MYO1C: variants seen among roughly 807,000 people sequenced by gnomAD.
The protein encoded by MYO1C is myosin IC, also known as unconventional myosin-Ic.
A neutral mutation model predicts 150.8 loss-of-function variants in MYO1C; 104 were observed. The observed-to-expected ratio is 0.69, with a 90% CI of 0.59 to 0.81. MYO1C has a LOEUF of 0.81. Among genes scored for constraint, MYO1C ranks in the 30% least tolerant of loss-of-function variants. MYO1C has a pLI of 0.00. For missense variants in MYO1C, 1,504 were observed against 1,435.0 expected, an observed-to-expected ratio of 1.05 and a Z score of -0.78; for synonymous variants, 663 against 579.9, an observed-to-expected ratio of 1.14 and a Z score of -2.06.
At position 1,483,612 on chromosome 17, in the gene MYO1C, G is replaced by A. The variant is rs759860251; in HGVS notation, c.345C>T (p.His115=). 5 of 1,607,276 alleles carry A rather than the reference G, an allele frequency of 3.1e-6. No individual in the cohort carries two copies. In the Admixed American group the frequency reaches 8.5e-5, roughly 27 times the overall value. The change falls in exon 3 of 32, where the codon CAC becomes CAT. Residue 115 remains histidine (H), a splice_region_variant and synonymous_variant. Coordinates refer to ENST00000648651, the MANE Select transcript of MYO1C (RefSeq NM_001080779.2). ...RGVSFYEVPP[H]LFAVADTVYR... Reference sequence around the variant, plus strand: ...CCGGAGGGGCTGGGGTCACTCACAGGTGAGGGGGCACTTCATAGAAGCTGA... The same window carrying A: ...CCGGAGGGGCTGGGGTCACTCACAGATGAGGGGGCACTTCATAGAAGCTGA...
Position 1,478,533 on chromosome 17 carries a change from G to T in MYO1C, c.1213-41C>A, listed in dbSNP as rs765368791. On this transcript the variant is annotated intron_variant, in intron 10 of 31. Transcript: ENST00000648651. The surrounding 1 kb of genome is among the most constrained non-coding windows in gnomAD (Gnocchi z 6.3). ...AACCGAAGGCGTGGGCCCCCTGCGC[G>T]TGCCAGCCCCACCCTGCAGCACCCC... 1.9e-6 allele frequency: 3 copies of T among 1,613,694 alleles called. No individual in the cohort carries two copies. In the East Asian group the frequency reaches 6.7e-5, roughly 36 times the overall value.
chr17:1,480,551 A>G lies in MYO1C; in HGVS notation c.882T>C (p.Ile294=), dbSNP rs2150956157. 1 of 1,614,180 alleles carries G rather than the reference A, an allele frequency of 6.2e-7. No individual in the cohort carries two copies. Among genetic ancestry groups the G allele is most frequent in the Middle Eastern group, 1.6e-4 (1 of 6,062 alleles). ...WKVVRKALTV[I]DFTEDEVEDL... is the part of the protein sequence containing the mutation. ...CCTCCACTTCATCCTCGGTGAAATC[A>G]ATGACTGTCAGAGCCTTCCTGACGA... is the stretch of plus-strand genomic sequence containing the variant. The change falls in exon 7 of 32, where the codon ATT becomes ATC. Residue 294 remains isoleucine (I), a synonymous_variant. Transcript: ENST00000648651.
In MYO1C at chr17:1,472,021, C is replaced by T. The variant is rs547698769; in HGVS notation, c.1907G>A (p.Arg636His). ...IKPNDAKQPG[R>H]FDEVLIRHQV... ...GTGGCGGATCAGCACCTCGTCAAAG[C>T]GGCCTGGGGTAGGGGGAGCGCCGTG... is the stretch of plus-strand genomic sequence containing the variant. The change falls in exon 19 of 32, where the codon CGC (arginine) becomes CAC (histidine). Residue 636 changes from arginine (R) to histidine (H), a missense_variant. Coordinates refer to ENST00000648651, the MANE Select transcript of MYO1C (RefSeq NM_001080779.2). The T allele has an allele frequency of 8.1e-5, 130 of 1,613,896 alleles. No homozygotes were observed. Among genetic ancestry groups the T allele is most frequent in the Non-Finnish European group, 1.1e-4 (128 of 1,179,978 alleles).
chr17:1,484,343 G>A (rs771119751), intron 1 of MYO1C, 40 bp from the exon 2 acceptor site: 19 of 1,602,036 alleles, frequency 1.2e-5, no homozygotes, highest in Non-Finnish European at 1.4e-5. Context: ...AGAGTCATCG[G>A]GGGCGGGGCA....
chr17:1,474,698 G>T lies in MYO1C; in HGVS notation c.1717-8C>A. On this transcript the variant is annotated splice_polypyrimidine_tract_variant and splice_region_variant and intron_variant, in intron 16 of 31. Transcript: ENST00000648651. ...CTTTGAGCTACACATGGTCTGTGTG[G>T]GCAGAGCCGGGGTCAGGGTGGGGCA... 6.2e-7 allele frequency: 1 copy of T among 1,613,970 alleles called. No individual in the cohort carries two copies. The highest frequency in any genetic ancestry group is 8.5e-7 in the Non-Finnish European group (1 of 1,179,902).
intron 31 of MYO1C, among the ~76,000 whole-genome samples, chr17:1,466,309 C>T (rs148502896): frequency 1.3e-5 from 2 of 152,068 alleles, no homozygotes; most frequent in Non-Finnish European, 1.5e-5. Flanking sequence ...TACAGGCATA[C>T]GCCACCACAC....
Position 1,471,251 on chromosome 17 carries a change from A to G in MYO1C, c.2107T>C (p.Tyr703His). ...CCCATCTTGTACTCTTCTGGCTTGT[A>G]GCCCAGGTGTCGGACCAGCACAGCC... ...GVAVLVRHLG[Y>H]KPEEYKMGRT... is the part of the protein sequence containing the mutation. The change falls in exon 20 of 32, where the codon TAC becomes CAC. Residue 703 changes from tyrosine to histidine, a missense_variant. Physicochemically the swap from Tyr to His is moderately conservative, Grantham distance 83. Coordinates refer to ENST00000648651, the MANE Select transcript of MYO1C (RefSeq NM_001080779.2). 1 of 1,613,964 alleles carries G rather than the reference A, an allele frequency of 6.2e-7. No homozygotes were observed. The highest frequency in any genetic ancestry group is 2.2e-5 in the East Asian group (1 of 44,872).
At position 1,478,353 on chromosome 17, in the gene MYO1C, AAG is replaced by A; in HGVS notation, c.1295+55_1295+56del. 1.2e-6 allele frequency: 2 copies of A among 1,604,590 alleles called. No individual in the cohort carries two copies. Among genetic ancestry groups the A allele is most frequent in the Non-Finnish European group, 8.5e-7 (1 of 1,171,362 alleles). ...GCAGGAATGAGAGGCTGGAGGACAG[AAG>A]AGAGGGAGCAGGACAGGAGACCGGG... is the stretch of plus-strand genomic sequence containing the variant. On this transcript the variant is annotated intron_variant, in intron 11 of 31. Coordinates refer to ENST00000648651, the MANE Select transcript of MYO1C (RefSeq NM_001080779.2). The surrounding 1 kb of genome is among the most constrained non-coding windows in gnomAD (Gnocchi z 6.3).
Position 1,469,570 on chromosome 17 carries a change from C to T in MYO1C, c.2571G>A (p.Trp857Ter). ...LRELCIKNMV[W>*]KYCRSISPEW... ...CAGGGCTGATACTCCGGCAGTATTTCCACACCATGTTCTTTATGCACAACT... is the reference window on the plus strand; with the variant it reads ...CAGGGCTGATACTCCGGCAGTATTTTCACACCATGTTCTTTATGCACAACT... The change falls in exon 25 of 32, where the codon TGG (tryptophan) becomes TGA (stop). Residue 857 changes from tryptophan to a stop codon, truncating the protein, a stop_gained. Transcript: ENST00000648651. LOFTEE classifies it high-confidence loss of function. 1 of 1,613,374 alleles carries T rather than the reference C, an allele frequency of 6.2e-7. No individual in the cohort carries two copies.
At position 1,479,372 on chromosome 17, in the gene MYO1C, G is replaced by A. The variant is rs956222630; in HGVS notation, c.1092+59C>T. ...AACCAGGCGAAGGGGAGTGATGGGAGTAGGGGCTGCCTTGGAACAGCTGCC... is the reference window on the plus strand; with the variant it reads ...AACCAGGCGAAGGGGAGTGATGGGAATAGGGGCTGCCTTGGAACAGCTGCC... On this transcript the variant is annotated intron_variant, in intron 9 of 31. Transcript: ENST00000648651. This position sits in a 1 kb window ranked among gnomAD's most constrained non-coding sequence, Gnocchi z 4.2. 8.4e-6 allele frequency: 7 copies of A among 829,178 alleles called. No homozygotes were observed. The highest frequency in any genetic ancestry group is 8.0e-5 in the Admixed American group (4 of 50,188). 51.4% of individuals were successfully genotyped at this position (829,178 alleles called of 1,614,324 possible).
At chr17:1,472,305 C>G (rs2074321523) in intron 17 of MYO1C, 77 bp from the exon 18 acceptor site, 3 of 1,310,546 alleles carry the variant, frequency 2.3e-6, no homozygotes, top group Non-Finnish European at 3.3e-6. Context: ...TACCCCACTC[C>G]CCTGGCTGGT....
intron 2 of MYO1C, 143 bp from the exon 3 acceptor site, chr17:1,483,868 A>C: frequency 1.5e-5 from 11 of 730,948 alleles, no homozygotes; most frequent in Non-Finnish European, 2.3e-5. Flanking sequence ...ACATGGAGAA[A>C]TCCGTCTCTA....
rs746370240 is a variant in MYO1C, at chr17:1,483,741, G to T, written c.232-16C>A. 17 of 1,588,254 alleles carry T rather than the reference G, an allele frequency of 1.1e-5. No homozygotes were observed. Among genetic ancestry groups the T allele is most frequent in the Non-Finnish European group, 1.5e-5 (17 of 1,163,674 alleles). On this transcript the variant is annotated splice_polypyrimidine_tract_variant and intron_variant, in intron 2 of 31. Coordinates refer to ENST00000648651, the MANE Select transcript of MYO1C (RefSeq NM_001080779.2). ...CAATGTAGGTCTGGGATCGGGGGAA[G>T]AGGGTCCAAAGTTTATCCCGGGCCA...
Position 1,478,188 on chromosome 17 carries a change from C to G in MYO1C, c.1300G>C (p.Glu434Gln). Residue 434 changes from glutamate (E) to glutamine (Q), a missense_variant, in exon 12 of 32, where the codon GAG becomes CAG. Glu to Gln is a conservative substitution (Grantham distance 29, BLOSUM62 2). Coordinates refer to ENST00000648651, the MANE Select transcript of MYO1C (RefSeq NM_001080779.2). This position sits in a 1 kb window ranked among gnomAD's most constrained non-coding sequence, Gnocchi z 6.3. ...GFEVFQHNSF[E>Q]QFCINYCNEK... ...TTGCAGTAATTGATGCAGAACTGCT[C>G]AAAGCTGTAAGGAAGGAGAAGAGCC... is the stretch of plus-strand genomic sequence containing the variant. 6.2e-7 allele frequency: 1 copy of G among 1,613,580 alleles called. No individual in the cohort carries two copies. The highest frequency in any genetic ancestry group is 8.5e-7 in the Non-Finnish European group (1 of 1,179,934).
intron 2 of MYO1C, 85 bp from the exon 3 acceptor site, chr17:1,483,810 A>G (rs1000780973): frequency 3.2e-5 from 35 of 1,095,704 alleles, no homozygotes; most frequent in Non-Finnish European, 4.8e-5. Flanking sequence ...TTGGGAGGCC[A>G]AGGTGGGCGG....
At chr17:1,475,113 G>A in intron 14 of MYO1C, 81 bp from the exon 15 acceptor site, 2 of 1,424,462 alleles carry the variant, frequency 1.4e-6, no homozygotes, top group South Asian at 1.2e-5. Flanking sequence ...CTCAGGAGCA[G>A]GAACCAGCTG....
rs1432736908 is a variant in MYO1C at position 1,479,052 on chromosome 17, T to TCAGA, written c.1093-318_1093-317insTCTG. 2.0e-4 allele frequency among the ~76,000 whole-genome samples: 31 copies of TCAGA among 152,186 alleles called. No individual in the cohort carries two copies. The highest frequency in any genetic ancestry group is 7.3e-5 in the Non-Finnish European group (5 of 68,038). On this transcript the variant is annotated intron_variant, in intron 9 of 31. Transcript: ENST00000648651. This position sits in a 1 kb window ranked among gnomAD's most constrained non-coding sequence, Gnocchi z 4.2. ...TTTTTGAGACAGAGTCTAGCTCTGT[T>TCAGA]GCCGTGATCTCGGCTCACTGCAACC...
intron 17 of MYO1C, among the ~76,000 whole-genome samples, chr17:1,474,101 G>A (rs992480826): frequency 1.3e-5 from 2 of 151,330 alleles, no homozygotes; most frequent in African/African-American, 4.9e-5. Context: ...GAAGACACAC[G>A]ACTCCACTAT....
At chr17:1,491,983 T>G (rs1272561153) in intron 1 of MYO1C, 1 of 182,258 alleles carries the variant, frequency 5.5e-6, no homozygotes, top group African/African-American at 2.4e-5. Context: ...CTCCCCCGTT[T>G]CTACCCACCC....
Sources: allele counts gnomAD v4.1 joint callset (sites outside exome capture counted in the v4.1 genomes callset), GRCh38; gene constraint gnomAD v4.1.1; non-coding constraint Gnocchi (gnomAD v3.1); transcripts MANE v1.5; gene names NCBI Gene and HGNC (gene_info 2026-07-23, HGNC 2026-07-21).